GOT1L1: variants seen among roughly 807,000 people sequenced by gnomAD.
GOT1L1 encodes the protein aspartate aminotransferase, cytoplasmic 2.
GOT1L1 carries 38 observed loss-of-function variants against 43.6 expected under a neutral mutation model. That is an observed-to-expected ratio of 0.87 (90% CI 0.67 to 1.14). GOT1L1 has a LOEUF of 1.14. GOT1L1 is among the 50% of genes most tolerant of loss of function. The pLI is 0.00. For synonymous variants in GOT1L1, 183 were observed against 187.2 expected (o/e 0.98, Z 0.18); for missense variants, 482 against 504.0 (o/e 0.96, Z 0.42).
Position 37,936,958 on chromosome 8 carries a change from G to C in GOT1L1, c.612+7C>G. ...GACAGGAAGGTCGGGTGGGAGATTG[G>C]GTTTACCTTTATCATGGACATCAAC... is the stretch of plus-strand genomic sequence containing the variant. On this transcript the variant is annotated splice_region_variant and intron_variant, in intron 5 of 8. Transcript: ENST00000307599. 1.2e-6 allele frequency: 2 copies of C among 1,613,552 alleles called. No individual in the cohort carries two copies. The highest frequency in any genetic ancestry group is 1.7e-6 in the Non-Finnish European group (2 of 1,179,510).
chr8:37,938,446 A>C (rs1807824128), intron 2 of GOT1L1, among the ~76,000 whole-genome samples: 1 of 152,180 alleles, frequency 6.6e-6, no homozygotes, highest in East Asian at 1.9e-4. Flanking sequence ...GGGAATACTA[A>C]CACCACCTCC....
chr8:37,938,779 G>C lies in GOT1L1; in HGVS notation c.218C>G (p.Thr73Ser), dbSNP rs199910261. ...DPSLNYEYLP[T>S]MGLKSFIQAS... ...CTGGATGAATGATTTCAGGCCCATG[G>C]TGGGCAAGTACTCATAATTCAGGGA... is the stretch of plus-strand genomic sequence containing the variant. Residue 73 changes from threonine (T) to serine (S), a missense_variant, in exon 2 of 9, where the codon ACC becomes AGC. Physicochemically the swap from Thr to Ser is moderately conservative, Grantham distance 58. Transcript: ENST00000307599. The C allele has an allele frequency of 6.7e-4, 1,075 of 1,612,634 alleles. 2 individuals carry two copies. Among genetic ancestry groups the C allele is most frequent in the Non-Finnish European group, 6.7e-4 (794 of 1,179,314 alleles).
At chr8:37,937,894 A>G (rs1472036649) in intron 2 of GOT1L1, 145 bp from the exon 3 acceptor site, 1 of 602,908 alleles carries the variant, frequency 1.7e-6, no homozygotes, top group Non-Finnish European at 3.0e-6. Flanking sequence ...TACAAAAATT[A>G]GCCGGATGTG....
intron 7 of GOT1L1, 76 bp downstream of exon 7, chr8:37,935,628 C>T (rs1807724991): frequency 1.3e-5 from 17 of 1,345,066 alleles, no homozygotes; most frequent in Admixed American, 9.2e-5. Flanking sequence ...AGCACCCTGC[C>T]GAATCCTGCA....
rs1585476319 is a variant in GOT1L1 at position 37,938,637 on chromosome 8, T to C, written c.297+63A>G. 4.1e-6 allele frequency: 6 copies of C among 1,449,054 alleles called. No individual in the cohort carries two copies. The East Asian group carries it at 1.2e-4, about 30-fold the overall frequency. The allele number at this position is 1,449,054 out of a possible 1,614,324, so 89.8% of individuals were successfully genotyped here. A position where few individuals can be genotyped will look rare whatever the true frequency, so the allele number is the denominator to read the frequency against. ...CCGAGGTCCCCTTCGGGTTTAAGGT[T>C]GTGCAGACCCAGATCGCCACTCTCT... is the stretch of plus-strand genomic sequence containing the variant. On this transcript the variant is annotated intron_variant, in intron 2 of 8. Transcript: ENST00000307599.
Position 37,938,894 on chromosome 8 carries a change from C to T in GOT1L1, c.116-13G>A, listed in dbSNP as rs577834302. 19 of 1,612,760 alleles carry T rather than the reference C, an allele frequency of 1.2e-5. No individual in the cohort carries two copies. In the African/African-American group the frequency reaches 2.0e-4, roughly 17 times the overall value. On this transcript the variant is annotated splice_polypyrimidine_tract_variant and intron_variant, in intron 1 of 8. Coordinates refer to ENST00000307599, the MANE Select transcript of GOT1L1 (RefSeq NM_152413.3). ...TTTGTCATGCAGACTGTGAGGAAAA[C>T]CACAGAGGGAGCTCCAGATGCCTGG... is the stretch of plus-strand genomic sequence containing the variant.
rs1807734780 is a variant in GOT1L1, at chr8:37,935,780, G to T, written c.853C>A (p.Leu285Met). 1.2e-6 allele frequency: 2 copies of T among 1,612,646 alleles called. No homozygotes were observed. Among genetic ancestry groups the T allele is most frequent in the Non-Finnish European group, 1.7e-6 (2 of 1,179,364 alleles). The change falls in exon 7 of 9, where the codon CTG becomes ATG. Residue 285 changes from leucine (L) to methionine (M), a missense_variant. Physicochemically the swap from Leu to Met is conservative, Grantham distance 15. Coordinates refer to ENST00000307599, the MANE Select transcript of GOT1L1 (RefSeq NM_152413.3). ...LSQLEGLAQALWLNPPNTGAR... is the reference protein window; with the variant it reads ...LSQLEGLAQAMWLNPPNTGAR... ...CCCGTGTTGGGGGGGTTTAGCCACAGGGCCTGGGCTAATCCTTCCAGCTGG... is the reference window on the plus strand; with the variant it reads ...CCCGTGTTGGGGGGGTTTAGCCACATGGCCTGGGCTAATCCTTCCAGCTGG...
At chr8:37,937,464 G>T (rs933265267) in intron 3 of GOT1L1, 78 bp from the exon 4 acceptor site, 9 of 1,070,534 alleles carry the variant, frequency 8.4e-6, no homozygotes, top group South Asian at 4.6e-5. Flanking sequence ...GTGTGGGGCT[G>T]AGAGTCACTG....
intron 1 of GOT1L1, among the ~76,000 whole-genome samples, chr8:37,939,549 T>C (rs1807870682): frequency 6.8e-6 from 1 of 147,946 alleles, no homozygotes; most frequent in Non-Finnish European, 1.5e-5. Flanking sequence ...CCCAGTTGCA[T>C]AGCAGAAAGC....
chr8:37,937,907 G>C (rs1227584322), intron 2 of GOT1L1, among the ~76,000 whole-genome samples, 158 bp from the exon 3 acceptor site: 1 of 152,126 alleles, frequency 6.6e-6, no homozygotes, highest in Non-Finnish European at 1.5e-5. Context: ...CGGATGTGGT[G>C]TTGGGCATGT....
rs866135841 is a variant in GOT1L1 at position 37,939,459 on chromosome 8, T to A, written c.115+456A>T. Among the ~76,000 whole-genome samples the A allele has an allele frequency of 2.4e-4, 23 of 95,668 alleles. No individual in the cohort carries two copies. The South Asian group carries it at 6.9e-3, about 29-fold the overall frequency. The allele number at this position is 95,668 out of a possible 152,430, so 62.8% of individuals were successfully genotyped here. A position where few individuals can be genotyped will look rare whatever the true frequency, so the allele number is the denominator to read the frequency against. On this transcript the variant is annotated intron_variant, in intron 1 of 8. Transcript: ENST00000307599. ...ATATATATATATATATATATATATATATATATATATATATGCAAAATGAGA... is the reference window on the plus strand; with the variant it reads ...ATATATATATATATATATATATATAAATATATATATATATGCAAAATGAGA...
intron 8 of GOT1L1, 108 bp from the exon 9 acceptor site, chr8:37,934,594 G>A (rs1401729169): frequency 5.8e-6 from 5 of 860,966 alleles, no homozygotes; most frequent in Admixed American, 4.4e-5. Context: ...GATTGAGATG[G>A]AGTTTTGCTC....
intron 3 of GOT1L1, 91 bp from the exon 4 acceptor site, chr8:37,937,477 T>C: frequency 9.8e-7 from 1 of 1,015,448 alleles, no homozygotes; most frequent in Non-Finnish European, 1.5e-6. Flanking sequence ...AGTCACTGGC[T>C]GAAGGTGGGA....
intron 1 of GOT1L1, among the ~76,000 whole-genome samples, chr8:37,939,648 G>A (rs999507817): frequency 2.6e-5 from 4 of 151,576 alleles, no homozygotes; most frequent in Admixed American, 6.6e-5. Flanking sequence ...AGTGTGGGAT[G>A]GCCATGCAGG....
At chr8:37,936,260 C>T (rs1398567665) in intron 6 of GOT1L1, among the ~76,000 whole-genome samples, 1 of 152,060 alleles carries the variant, frequency 6.6e-6, no homozygotes, top group Non-Finnish European at 1.5e-5. Context: ...AATCCTCCTG[C>T]CTCAGCCCCC....
intron 8 of GOT1L1, among the ~76,000 whole-genome samples, 170 bp from the exon 9 acceptor site, chr8:37,934,656 C>T (rs1807696847): frequency 1.3e-5 from 2 of 152,102 alleles, no homozygotes; most frequent in Non-Finnish European, 2.9e-5. Context: ...CTGCAACCTT[C>T]GCCTCCCAGG....
rs761857388 is a variant in GOT1L1, at chr8:37,937,299, T to A, written c.497A>T (p.Asp166Val). The change falls in exon 4 of 9, where the codon GAC (aspartate) becomes GTC (valine). Residue 166 changes from aspartate to valine, a missense_variant. Transcript: ENST00000307599. ...WDPKKLCMDPDILLNVVEQIP... is the reference protein window; with the variant it reads ...WDPKKLCMDPVILLNVVEQIP... ...TACCTCCACCACATTGAGGAGTATG[T>A]CGGGGTCCATGCATAGCTTCTTGGG... The A allele has an allele frequency of 6.2e-7, 1 of 1,606,482 alleles. No individual in the cohort carries two copies.
intron 8 of GOT1L1, 119 bp from the exon 9 acceptor site, chr8:37,934,605 T>C (rs1691539005): frequency 2.5e-6 from 2 of 796,190 alleles, no homozygotes; most frequent in Non-Finnish European, 4.1e-6. Context: ...AGTTTTGCTC[T>C]TGTTGCCCAG....
intron 8 of GOT1L1, among the ~76,000 whole-genome samples, chr8:37,934,817 C>T (rs904789483): frequency 6.6e-6 from 1 of 152,072 alleles, no homozygotes; most frequent in African/African-American, 2.4e-5. Context: ...CTCAGGTGAC[C>T]CACCCGCCTC....
Sources: gnomAD v4.1 joint callset for allele counts (sites outside exome capture counted in the v4.1 genomes callset) on GRCh38, gnomAD v4.1.1 for gene constraint, MANE v1.5 for transcripts, NCBI Gene and HGNC (gene_info 2026-07-23, HGNC 2026-07-21) for gene names.